VRK2: variants seen among roughly 807,000 people sequenced by gnomAD.
VRK2 encodes the protein VRK serine/threonine kinase 2, also known as serine/threonine-protein kinase VRK2.
In VRK2, 60 loss-of-function variants were observed where a neutral mutation model predicts 57.6. The ratio of observed to expected loss-of-function variants is 1.04; its 90% CI spans 0.85 to 1.29. The LOEUF is 1.29. Ranked by LOEUF, VRK2 falls within the 50% of genes most tolerant of loss-of-function variation. The pLI, the probability that VRK2 is intolerant of heterozygous loss-of-function variation, is 0.00. For synonymous variants in VRK2, 231 were observed against 199.2 expected (o/e 1.16, Z -1.35); for missense variants, 705 against 588.1 (o/e 1.20, Z -2.06).
chr2:58,142,242 CAT>C (rs1681457139), intron 11 of VRK2, among the ~76,000 whole-genome samples: 1 of 151,556 alleles, frequency 6.6e-6, no homozygotes, highest in Non-Finnish European at 1.5e-5. Flanking sequence ...TTAAGAAAAA[CAT>C]ATTTTGATTA....
chr2:58,083,944 T>C, intron 2 of VRK2, 145 bp from the exon 3 acceptor site: 3 of 764,270 alleles, frequency 3.9e-6, no homozygotes, highest in Non-Finnish European at 5.9e-6. Flanking sequence ...ATGGAGATGA[T>C]TGATTCCTAC....
At chr2:57,926,759 A>G (rs2103920376) in intron 1 of VRK2, among the ~76,000 whole-genome samples, 1 of 150,868 alleles carries the variant, frequency 6.6e-6, no homozygotes, top group South Asian at 2.1e-4. Flanking sequence ...TTTATAGATG[A>G]AGTGTATTTC....
intron 1 of VRK2, 94 bp from the exon 2 acceptor site, chr2:58,048,733 G>T: frequency 6.6e-7 from 1 of 1,520,492 alleles, no homozygotes; most frequent in Non-Finnish European, 8.8e-7. Flanking sequence ...ACCTGGGAAA[G>T]TTCCCTATTG....
At chr2:58,093,670 T>G (rs1043032739) in intron 7 of VRK2, among the ~76,000 whole-genome samples, 2,238 of 152,212 alleles carry the variant, frequency 0.015, 53 homozygotes, top group African/African-American at 0.048. Flanking sequence ...TTAGTTTAAT[T>G]AGATCCCATT....
chr2:58,014,884 A>G (rs1181452312), intron 1 of VRK2, among the ~76,000 whole-genome samples: 1 of 152,152 alleles, frequency 6.6e-6, no homozygotes, highest in Non-Finnish European at 1.5e-5. Context: ...CCAGGAAGGT[A>G]TCAAGAAGGA....
Position 57,975,861 on chromosome 2 carries a change from T to C in VRK2, c.-438-49804T>C, listed in dbSNP as rs181417572. ...GGGGTTTGATATGCAAATGATTTCT[T>C]CACCCAGGGAGTGAGCATAGTATCT... On this transcript the variant is annotated intron_variant, in intron 1 of 15. Transcript: ENST00000417641. Among the ~76,000 whole-genome samples the C allele has an allele frequency of 4.6e-5, 7 of 152,134 alleles. No homozygotes were observed. In the East Asian group the frequency reaches 1.4e-3, roughly 29 times the overall value.
intron 1 of VRK2, among the ~76,000 whole-genome samples, chr2:57,940,968 G>C (rs1202667068): frequency 6.6e-6 from 1 of 151,706 alleles, no homozygotes; most frequent in Non-Finnish European, 1.5e-5. Flanking sequence ...ACAGATCTTA[G>C]AGAGTAACAC....
intron 1 of VRK2, among the ~76,000 whole-genome samples, chr2:58,012,614 T>C (rs886177371): frequency 2.0e-4 from 31 of 152,240 alleles, no homozygotes; most frequent in African/African-American, 7.5e-4. Flanking sequence ...TTCTGTGGCT[T>C]ATTCTTCCCT....
chr2:57,961,645 C>A (rs1241993905), intron 1 of VRK2, among the ~76,000 whole-genome samples: 1 of 126,546 alleles, frequency 7.9e-6, no homozygotes, highest in Non-Finnish European at 1.6e-5. Context: ...ACTTATTACT[C>A]TGATTAATCA....
chr2:58,159,334 G>T lies in VRK2; in HGVS notation c.1183-15G>T. On this transcript the variant is annotated splice_polypyrimidine_tract_variant and intron_variant, in intron 12 of 12. Transcript: ENST00000340157. ...ACGTCTAACAAACTAAACTATATAT[G>T]TATTTTTTCCATAGGAAAGCACAAG... 6.4e-7 allele frequency: 1 copy of T among 1,574,564 alleles called. No homozygotes were observed. Among genetic ancestry groups the T allele is most frequent in the Non-Finnish European group, 8.6e-7 (1 of 1,161,670 alleles).
At chr2:58,046,319 T>C (rs553758264), upstream of VRK2, among the ~76,000 whole-genome samples, 3 of 152,308 alleles carry the variant, frequency 2.0e-5, no homozygotes, top group East Asian at 5.8e-4. Context: ...ATGGCAGAAA[T>C]AGGTCCTGAA....
rs60604486 is a variant in VRK2 at position 58,013,858 on chromosome 2, C to CAAAA, written c.-438-11786_-438-11783dup. Among the ~76,000 whole-genome samples the CAAAA allele has an allele frequency of 1.3e-3, 80 of 62,696 alleles. 3 individuals carry two copies. The highest frequency in any genetic ancestry group is 8.1e-3 in the South Asian group (11 of 1,354). 41.1% of individuals were successfully genotyped at this position (62,696 alleles called of 152,430 possible). On this transcript the variant is annotated intron_variant, in intron 1 of 15. Coordinates refer to the VRK2 transcript ENST00000417641. Reference sequence around the variant, plus strand: ...TGGGCGACAGAACGAGACTCCGTCTCAAAAAAAAAAAAAAAAAAAAAAAAG... The same window carrying CAAAA: ...TGGGCGACAGAACGAGACTCCGTCTCAAAAAAAAAAAAAAAAAAAAAAAAAAAAG...
chr2:57,966,598 C>T (rs1671924200), intron 1 of VRK2, among the ~76,000 whole-genome samples: 1 of 151,950 alleles, frequency 6.6e-6, no homozygotes, highest in African/African-American at 2.4e-5. Context: ...ACTCCATTAT[C>T]TAATCAAATA....
chr2:58,058,361 C>T (rs1676838228), intron 2 of VRK2: 1 of 470,362 alleles, frequency 2.1e-6, no homozygotes, highest in Non-Finnish European at 4.4e-6. Context: ...GAGACACTGG[C>T]CATTTTTCTC....
intron 2 of VRK2, among the ~76,000 whole-genome samples, chr2:58,027,603 G>A (rs1026496865): frequency 2.0e-5 from 3 of 152,090 alleles, no homozygotes; most frequent in Admixed American, 6.6e-5. Context: ...AGTTTAAAAA[G>A]TCAATTATAA....
At chr2:58,139,887 C>G (rs1370133724) in intron 11 of VRK2, 55 bp downstream of exon 11, 1 of 1,468,734 alleles carries the variant, frequency 6.8e-7, no homozygotes, top group Non-Finnish European at 9.1e-7. Context: ...ACTTTTCTAT[C>G]GAATGAAATT....
chr2:58,036,839 C>T (rs1277498051), intron 3 of VRK2, among the ~76,000 whole-genome samples: 1 of 152,040 alleles, frequency 6.6e-6, no homozygotes, highest in Non-Finnish European at 1.5e-5. Context: ...ATAATCTATA[C>T]TGTCCAATAG....
intron 7 of VRK2, among the ~76,000 whole-genome samples, chr2:58,112,615 A>G (rs1318783708): frequency 6.6e-6 from 1 of 151,728 alleles, no homozygotes; most frequent in African/African-American, 2.4e-5. Context: ...ATGTACATGG[A>G]CACGGGAGTC....
At chr2:58,082,993 G>T (rs1671114767) in intron 2 of VRK2, among the ~76,000 whole-genome samples, 1 of 151,604 alleles carries the variant, frequency 6.6e-6, no homozygotes, top group African/African-American at 2.4e-5. Context: ...ACAGCTGACA[G>T]AATTAGAAGA....
Sources: allele counts gnomAD v4.1 joint callset (sites outside exome capture counted in the v4.1 genomes callset), GRCh38; gene constraint gnomAD v4.1.1; transcripts MANE v1.5; gene names NCBI Gene and HGNC (gene_info 2026-07-23, HGNC 2026-07-21).